GLIS1: variants seen among roughly 807,000 people sequenced by gnomAD.
GLIS1 encodes GLIS family zinc finger 1.
A neutral mutation model predicts 63.8 loss-of-function variants in GLIS1; 24 were observed. That is an observed-to-expected ratio of 0.38 (90% confidence interval 0.27 to 0.53). The LOEUF (loss-of-function observed/expected upper bound fraction) is 0.53. GLIS1 is among the 20% of genes least tolerant of loss of function. The pLI is 0.85. For synonymous variants in GLIS1, 450 were observed against 482.5 expected, an observed-to-expected ratio of 0.93 and a Z score of 0.88; for missense variants, 1,036 against 1,074.1, an observed-to-expected ratio of 0.96 and a Z score of 0.50.
At chr1:53,580,673 C>T (rs985620809) in intron 4 of GLIS1, among the ~76,000 whole-genome samples, 5 of 151,012 alleles carry the variant, frequency 3.3e-5, no homozygotes, top group Middle Eastern at 3.6e-3. Context: ...ATAAAATGAG[C>T]GCATCACAAG....
chr1:53,538,776 G>A (rs79674042), intron 4 of GLIS1, among the ~76,000 whole-genome samples: 1,584 of 152,242 alleles, frequency 0.01, 24 homozygotes, highest in African/African-American at 0.033. Flanking sequence ...TTCCTCACCA[G>A]GAACACACTG....
chr1:53,705,725 A>C (rs570142809), intron 2 of GLIS1, among the ~76,000 whole-genome samples: 2 of 152,222 alleles, frequency 1.3e-5, no homozygotes, highest in South Asian at 4.2e-4. Flanking sequence ...AGAAGGGAGG[A>C]AAGGGAAGAA....
chr1:53,624,948 G>A (rs1266197501), intron 2 of GLIS1, among the ~76,000 whole-genome samples: 4 of 152,132 alleles, frequency 2.6e-5, no homozygotes, highest in Non-Finnish European at 5.9e-5. Flanking sequence ...AAGATGCTCT[G>A]GAGAAATTAA....
intron 2 of GLIS1, among the ~76,000 whole-genome samples, chr1:53,606,908 A>C (rs1645375788): frequency 6.6e-6 from 1 of 152,200 alleles, no homozygotes; most frequent in Admixed American, 6.5e-5. Flanking sequence ...AAACCTGAGC[A>C]GGCTCACCTC....
intron 4 of GLIS1, among the ~76,000 whole-genome samples, chr1:53,541,182 T>C (rs1351092506): frequency 6.6e-6 from 1 of 151,838 alleles, no homozygotes; most frequent in Non-Finnish European, 1.5e-5. Context: ...CCGGGAGAAA[T>C]GGTGAGCCTC....
intron 4 of GLIS1, among the ~76,000 whole-genome samples, chr1:53,571,425 A>G (rs986022917): frequency 5.3e-5 from 8 of 152,206 alleles, no homozygotes; most frequent in African/African-American, 1.9e-4. Flanking sequence ...ATGAACAAGA[A>G]TATTCACAGC....
intron 2 of GLIS1, among the ~76,000 whole-genome samples, chr1:53,624,623 C>A (rs536567415): frequency 6.6e-6 from 1 of 151,936 alleles, no homozygotes; most frequent in South Asian, 2.1e-4. Flanking sequence ...TCACTGCAGC[C>A]TTGAACTCCT....
chr1:53,645,753 C>T (rs1645838431), intron 2 of GLIS1, among the ~76,000 whole-genome samples: 1 of 152,228 alleles, frequency 6.6e-6, no homozygotes, highest in African/African-American at 2.4e-5. Flanking sequence ...AACACTGGTG[C>T]TCAGAGAAGC....
intron 10 of GLIS1, among the ~76,000 whole-genome samples, chr1:53,507,483 GC>G (rs1413597111): frequency 6.6e-6 from 1 of 152,224 alleles, no homozygotes; most frequent in Non-Finnish European, 1.5e-5. Flanking sequence ...CTTGGGAGGG[GC>G]CGGGAGGGGT....
chr1:53,728,881 T>C (rs1646831200), intron 2 of GLIS1, among the ~76,000 whole-genome samples: 1 of 152,218 alleles, frequency 6.6e-6, no homozygotes. Context: ...ATTTTTCCCA[T>C]TGGCCAGCTG....
intron 2 of GLIS1, among the ~76,000 whole-genome samples, chr1:53,659,343 T>C (rs1282449907): frequency 6.6e-6 from 1 of 152,142 alleles, no homozygotes; most frequent in Non-Finnish European, 1.5e-5. Flanking sequence ...TTTCCAGCCC[T>C]GGGGTGAGCT....
chr1:53,660,207 T>G (rs1359494690), intron 2 of GLIS1, among the ~76,000 whole-genome samples: 2 of 152,206 alleles, frequency 1.3e-5, no homozygotes, highest in African/African-American at 4.8e-5. Context: ...AGGCATCCAC[T>G]GCCTCATTTC....
At chr1:53,512,954 G>A (rs534597439) in intron 8 of GLIS1, among the ~76,000 whole-genome samples, 4 of 152,312 alleles carry the variant, frequency 2.6e-5, no homozygotes, top group Admixed American at 6.5e-5. Flanking sequence ...AGTGTCAGGC[G>A]TGTGTACGGC....
intron 2 of GLIS1, among the ~76,000 whole-genome samples, chr1:53,663,915 C>G (rs1369162578): frequency 6.6e-6 from 1 of 151,476 alleles, no homozygotes; most frequent in Non-Finnish European, 1.5e-5. Flanking sequence ...CTCCAGGCGC[C>G]TCGAGGGAAC....
chr1:53,577,275 G>A (rs950835307), intron 4 of GLIS1, among the ~76,000 whole-genome samples: 32 of 152,110 alleles, frequency 2.1e-4, no homozygotes, highest in African/African-American at 7.7e-4. Context: ...TCAAGTCACA[G>A]CTTCCTCCCC....
chr1:53,627,828 G>C (rs1390576047), intron 2 of GLIS1, among the ~76,000 whole-genome samples: 1 of 152,120 alleles, frequency 6.6e-6, no homozygotes, highest in Non-Finnish European at 1.5e-5. Context: ...CACTGGGCTT[G>C]GCATGACTTG....
intron 2 of GLIS1, among the ~76,000 whole-genome samples, chr1:53,699,488 C>G (rs1646501075): frequency 6.6e-6 from 1 of 152,190 alleles, no homozygotes; most frequent in South Asian, 2.1e-4. Context: ...GGGAGATTTG[C>G]ATTATACTGA....
chr1:53,723,516 G>A (rs1646777049), intron 2 of GLIS1, among the ~76,000 whole-genome samples: 1 of 152,112 alleles, frequency 6.6e-6, no homozygotes, highest in African/African-American at 2.4e-5. Flanking sequence ...TTACAGGGGT[G>A]AGCCACCGCG....
At chr1:53,737,440 TACTTCAA>T (rs1375934287) in intron 2 of GLIS1, among the ~76,000 whole-genome samples, 2 of 152,200 alleles carry the variant, frequency 1.3e-5, no homozygotes, top group African/African-American at 4.8e-5. Flanking sequence ...GAGATTGAAA[TACTTCAA>T]ACTATGCCTT....
Sources: allele counts gnomAD v4.1 joint callset (sites outside exome capture counted in the v4.1 genomes callset), GRCh38; gene constraint gnomAD v4.1.1; transcripts MANE v1.5; gene names NCBI Gene and HGNC (gene_info 2026-07-23, HGNC 2026-07-21).